Variants in CPNE4 observed in about 807,000 individuals in gnomAD.
CPNE4 encodes the protein copine-4.
In CPNE4, 25 loss-of-function variants were observed where a neutral mutation model predicts 67.9. That is an observed-to-expected ratio of 0.37 (90% CI 0.27 to 0.51). The LOEUF (loss-of-function observed/expected upper bound fraction) is 0.51. Ranked by LOEUF, CPNE4 falls within the 20% of genes least tolerant of loss-of-function variation. The probability of loss-of-function intolerance (pLI) is 0.93; values close to 1 mark genes in which losing one functional copy is unlikely to be tolerated. For missense variants in CPNE4, 464 were observed against 690.8 expected (o/e 0.67, Z 3.68); for synonymous variants, 242 against 244.9 (o/e 0.99, Z 0.11).
At chr3:131,950,277 A>G (rs1428848446) in intron 1 of CPNE4, among the ~76,000 whole-genome samples, 1 of 152,186 alleles carries the variant, frequency 6.6e-6, no homozygotes, top group Non-Finnish European at 1.5e-5. Flanking sequence ...ACTGTAACTC[A>G]TGCTTGCATG....
At chr3:132,039,077 T>C (rs953688157), upstream of CPNE4, among the ~76,000 whole-genome samples, 6 of 152,186 alleles carry the variant, frequency 3.9e-5, no homozygotes, top group African/African-American at 1.4e-4. Flanking sequence ...TGCTAAACAG[T>C]CATAAGTGGC....
chr3:131,822,131 A>G (rs1442850104), intron 2 of CPNE4, among the ~76,000 whole-genome samples: 3 of 152,254 alleles, frequency 2.0e-5, no homozygotes, highest in Admixed American at 2.0e-4. Context: ...AAAAGGCAAT[A>G]AAGCTAACGC....
At chr3:131,813,507 AT>A (rs1171092841) in intron 2 of CPNE4, among the ~76,000 whole-genome samples, 3 of 149,714 alleles carry the variant, frequency 2.0e-5, no homozygotes, top group African/African-American at 7.3e-5. Flanking sequence ...TTTAAAATAT[AT>A]TTTTTCTATA....
chr3:131,637,864 G>T (rs1458703379), intron 7 of CPNE4, among the ~76,000 whole-genome samples: 1 of 152,082 alleles, frequency 6.6e-6, no homozygotes, highest in Non-Finnish European at 1.5e-5. Context: ...AAGCTAGAAG[G>T]GATTGGGGTC....
At chr3:131,609,090 G>A (rs756887448) in intron 7 of CPNE4, among the ~76,000 whole-genome samples, 1 of 152,014 alleles carries the variant, frequency 6.6e-6, no homozygotes, top group Non-Finnish European at 1.5e-5. Context: ...TTCTATCCTT[G>A]TACTTTTCCT....
rs1553758870 is a variant in CPNE4, at chr3:131,717,880, T to TTCTTTC, written c.360+5560_360+5565dup. ...TCCCTCCTTTCTTTCTTTCTTTTCT[T>TTCTTTC]TCTTTCTTTCTTTCTTTCTTTCTTT... is the stretch of plus-strand genomic sequence containing the variant. On this transcript the variant is annotated intron_variant, in intron 3 of 15. Coordinates refer to ENST00000429747, the MANE Select transcript of CPNE4 (RefSeq NM_130808.3). 8.6e-4 allele frequency among the ~76,000 whole-genome samples: 36 copies of TTCTTTC among 42,098 alleles called. 1 individual carries two copies. The highest frequency in any genetic ancestry group is 2.3e-3 in the African/African-American group (35 of 15,540). 27.6% of individuals were successfully genotyped at this position (42,098 alleles called of 152,430 possible).
At chr3:131,977,964 G>A (rs1198741591) in intron 1 of CPNE4, among the ~76,000 whole-genome samples, 2 of 146,154 alleles carry the variant, frequency 1.4e-5, no homozygotes, top group Non-Finnish European at 3.0e-5. Context: ...ATTTCACTTA[G>A]AATAATAGCC....
In CPNE4 at chr3:131,630,071, A is replaced by G. The variant is rs147369316; in HGVS notation, c.681+39604T>C. 4.1e-3 allele frequency among the ~76,000 whole-genome samples: 626 copies of G among 152,338 alleles called. 4 individuals carry two copies. Among genetic ancestry groups the G allele is most frequent in the African/African-American group, 0.014 (598 of 41,568 alleles). On this transcript the variant is annotated intron_variant, in intron 7 of 15. Transcript: ENST00000429747. ...ATGATGTAGGCATTGTGATTTAATG[A>G]AAAATGCCAGAAAAAAGCAGTTTGT...
intron 2 of CPNE4, among the ~76,000 whole-genome samples, chr3:131,898,744 A>G (rs1462866784): frequency 1.3e-5 from 2 of 152,136 alleles, no homozygotes; most frequent in African/African-American, 4.8e-5. Flanking sequence ...AGGAGAAAAT[A>G]TTATCTGGCT....
In CPNE4 at chr3:131,716,607, G is replaced by T. The variant is rs116745452; in HGVS notation, c.360+6839C>A. 5.2e-3 allele frequency among the ~76,000 whole-genome samples: 784 copies of T among 152,224 alleles called. 6 individuals are homozygous for T. Among genetic ancestry groups the T allele is most frequent in the African/African-American group, 0.016 (651 of 41,528 alleles). On this transcript the variant is annotated intron_variant, in intron 3 of 15. Transcript: ENST00000429747. ...CCCCCTTTGTTCTGAAAACATGTTG[G>T]TCTCTACAAGCATTGCCTCTTCCCA...
intron 1 of CPNE4, among the ~76,000 whole-genome samples, chr3:131,996,184 A>G (rs1006697131): frequency 6.6e-6 from 1 of 152,192 alleles, no homozygotes; most frequent in South Asian, 2.1e-4. Flanking sequence ...TAAGTGCCTG[A>G]TTTAATCCAC....
At chr3:132,022,576 AAT>A (rs1338488283) in intron 1 of CPNE4, among the ~76,000 whole-genome samples, 835 of 13,018 alleles carry the variant, frequency 0.064, 10 homozygotes, top group African/African-American at 0.17. Context: ...ACAAAAAAAA[AAT>A]AATAATAATA....
At chr3:132,005,935 T>C (rs1252099619) in intron 1 of CPNE4, among the ~76,000 whole-genome samples, 2 of 152,144 alleles carry the variant, frequency 1.3e-5, no homozygotes, top group Non-Finnish European at 2.9e-5. Context: ...AGGGTACTTT[T>C]AACAGCCGTA....
intron 3 of CPNE4, among the ~76,000 whole-genome samples, chr3:131,704,942 T>A (rs906105588): frequency 6.6e-6 from 1 of 152,098 alleles, no homozygotes. Flanking sequence ...AATGAGGTCA[T>A]AAGGGTAGGG....
intron 2 of CPNE4, among the ~76,000 whole-genome samples, chr3:131,767,612 A>G (rs1328173815): frequency 2.0e-5 from 3 of 152,148 alleles, no homozygotes; most frequent in Admixed American, 1.3e-4. Context: ...CTGAAAGGAA[A>G]AAAAGCCCCA....
chr3:131,715,400 T>C (rs766688570), intron 3 of CPNE4, among the ~76,000 whole-genome samples: 3 of 152,216 alleles, frequency 2.0e-5, no homozygotes, highest in Non-Finnish European at 4.4e-5. Flanking sequence ...TGACTTTGCA[T>C]TCATAGATGC....
intron 2 of CPNE4, among the ~76,000 whole-genome samples, chr3:131,809,838 C>T (rs2084456258): frequency 6.6e-6 from 1 of 152,024 alleles, no homozygotes; most frequent in Non-Finnish European, 1.5e-5. Flanking sequence ...TAAGGGTCAT[C>T]AATTATCTGA....
intron 14 of CPNE4, 76 bp downstream of exon 14, chr3:131,549,871 T>G: frequency 3.3e-6 from 5 of 1,511,714 alleles, no homozygotes; most frequent in Non-Finnish European, 4.5e-6. Flanking sequence ...ATTGTTAGAG[T>G]GAGATGGGTC....
At chr3:131,984,459 A>C (rs2072992589) in intron 1 of CPNE4, among the ~76,000 whole-genome samples, 1 of 152,198 alleles carries the variant, frequency 6.6e-6, no homozygotes, top group Non-Finnish European at 1.5e-5. Context: ...TAGGAGATGA[A>C]CTAATGCTGC....
Sources: allele counts gnomAD v4.1 joint callset (sites outside exome capture counted in the v4.1 genomes callset), GRCh38; gene constraint gnomAD v4.1.1; transcripts MANE v1.5; gene names NCBI Gene and HGNC (gene_info 2026-07-23, HGNC 2026-07-21).